Variants in MVB12B observed in about 807,000 individuals in gnomAD.
MVB12B encodes ESCRT-I complex subunit MVB12B.
In MVB12B, 16 loss-of-function variants were observed where a neutral mutation model predicts 41.6. That is an observed-to-expected ratio of 0.38 (90% CI 0.26 to 0.58). The LOEUF is 0.58. Ranked by LOEUF, MVB12B falls within the 20% of genes least tolerant of loss-of-function variation. The pLI is 0.62. For synonymous variants in MVB12B, 133 were observed against 139.7 expected (o/e 0.95, Z 0.34); for missense variants, 274 against 380.2 (o/e 0.72, Z 2.32).
At chr9:126,393,014 C>A (rs961101569) in intron 5 of MVB12B, among the ~76,000 whole-genome samples, 6 of 152,170 alleles carry the variant, frequency 3.9e-5, no homozygotes, top group Admixed American at 2.0e-4. Context: ...CATGATAATT[C>A]CCCAGTAAGC....
rs535288359 is a variant in MVB12B, at chr9:126,480,293, A to G, written c.758-1076A>G. Among the ~76,000 whole-genome samples, 4 of 152,094 alleles carry G rather than the reference A, an allele frequency of 2.6e-5. No homozygotes were observed. The highest frequency in any genetic ancestry group is 7.2e-5 in the African/African-American group (3 of 41,410). ...TCCCAGACCTAAGGGAGAAGCCAAC[A>G]CTGGAAAGGCCCCTACCACTGTCCC... On this transcript the variant is annotated intron_variant, in intron 7 of 9. Transcript: ENST00000361171. The surrounding 1 kb of genome is among the most constrained non-coding windows in gnomAD (Gnocchi z 4.9).
At chr9:126,369,716 C>G (rs796839294) in intron 2 of MVB12B, among the ~76,000 whole-genome samples, 1 of 152,152 alleles carries the variant, frequency 6.6e-6, no homozygotes, top group South Asian at 2.1e-4. Context: ...TGCAATAGCG[C>G]AATCTCAGCT....
At chr9:126,334,749 G>C (rs1311927062) in intron 1 of MVB12B, among the ~76,000 whole-genome samples, 1 of 152,194 alleles carries the variant, frequency 6.6e-6, no homozygotes, top group Admixed American at 6.5e-5. Flanking sequence ...TCATGGGCAA[G>C]CAGGTGGTAC....
chr9:126,391,920 G>C lies in MVB12B; in HGVS notation c.410-146G>C. 1 of 923,802 alleles carries C rather than the reference G, an allele frequency of 1.1e-6. No individual in the cohort carries two copies. The highest frequency in any genetic ancestry group is 1.7e-6 in the Non-Finnish European group (1 of 595,384). The allele number at this position is 923,802 out of a possible 1,614,324, so 57.2% of individuals were successfully genotyped here. Reference sequence around the variant, plus strand: ...ACTGCAGCCCCGGGGAAGGCAGGCGGCAGAGCGCAGCCCTTCTGTCCAGCA... The same window carrying C: ...ACTGCAGCCCCGGGGAAGGCAGGCGCCAGAGCGCAGCCCTTCTGTCCAGCA... On this transcript the variant is annotated intron_variant, in intron 4 of 9. Coordinates refer to ENST00000361171, the MANE Select transcript of MVB12B (RefSeq NM_033446.3). This position sits in a 1 kb window ranked among gnomAD's most constrained non-coding sequence, Gnocchi z 4.4.
chr9:126,358,338 CAAAA>C (rs745370396), intron 2 of MVB12B, among the ~76,000 whole-genome samples: 6 of 133,834 alleles, frequency 4.5e-5, no homozygotes, highest in Non-Finnish European at 8.1e-5. Context: ...TCAATTTTTA[CAAAA>C]AAAAAAAGCC....
At chr9:126,469,164 A>G (rs1039979492) in intron 7 of MVB12B, among the ~76,000 whole-genome samples, 4 of 152,158 alleles carry the variant, frequency 2.6e-5, no homozygotes, top group Admixed American at 6.5e-5. Flanking sequence ...TGATAGAGCA[A>G]AAGTCCATGT....
At chr9:126,476,824 C>T (rs1037842869) in intron 7 of MVB12B, among the ~76,000 whole-genome samples, 2 of 139,910 alleles carry the variant, frequency 1.4e-5, no homozygotes, top group African/African-American at 5.4e-5. Flanking sequence ...TTGCAGTGAG[C>T]CAAGATTGCG....
chr9:126,452,346 C>T (rs1832902881), intron 7 of MVB12B, among the ~76,000 whole-genome samples: 2 of 152,212 alleles, frequency 1.3e-5, no homozygotes, highest in Non-Finnish European at 2.9e-5. Flanking sequence ...CATGGCCCTG[C>T]CTTGGAGCCT....
chr9:126,394,143 G>A (rs940589025), intron 5 of MVB12B, among the ~76,000 whole-genome samples: 7 of 152,160 alleles, frequency 4.6e-5, no homozygotes, highest in Non-Finnish European at 8.8e-5. Flanking sequence ...TTGCAACACG[G>A]TTTACACTAA....
intron 2 of MVB12B, among the ~76,000 whole-genome samples, chr9:126,342,560 G>A (rs185358938): frequency 5.1e-4 from 78 of 152,332 alleles, no homozygotes; most frequent in African/African-American, 1.7e-3. Context: ...TGGGAGGTTA[G>A]CAGGGCAAGG....
chr9:126,417,413 T>TTGCTGC (rs1831859727), intron 6 of MVB12B, among the ~76,000 whole-genome samples: 1 of 152,224 alleles, frequency 6.6e-6, no homozygotes, highest in Non-Finnish European at 1.5e-5. Context: ...AAATTCCTGG[T>TTGCTGC]TGCTGCTGCT....
intron 7 of MVB12B, among the ~76,000 whole-genome samples, chr9:126,453,988 G>A (rs1274160356): frequency 6.6e-6 from 1 of 152,188 alleles, no homozygotes; most frequent in Admixed American, 6.5e-5. Flanking sequence ...AAGTCTAAGT[G>A]AGAAACAGAC....
At chr9:126,419,168 A>G (rs550215862) in intron 6 of MVB12B, among the ~76,000 whole-genome samples, 2 of 152,144 alleles carry the variant, frequency 1.3e-5, no homozygotes, top group East Asian at 1.9e-4. Context: ...ACCGCACTGC[A>G]CAAATCGCTC....
intron 7 of MVB12B, among the ~76,000 whole-genome samples, chr9:126,461,103 G>T (rs1833078892): frequency 6.6e-6 from 1 of 152,290 alleles, no homozygotes; most frequent in South Asian, 2.1e-4. Context: ...ACAGGGATCA[G>T]GAAAACAGAA....
intron 1 of MVB12B, among the ~76,000 whole-genome samples, chr9:126,328,734 G>A (rs1412808183): frequency 6.6e-6 from 1 of 152,088 alleles, no homozygotes; most frequent in Non-Finnish European, 1.5e-5. Context: ...ATGAATGAGA[G>A]GAGTAGCTTA....
At chr9:126,396,582 G>T (rs541916918) in intron 6 of MVB12B, 17 of 985,458 alleles carry the variant, frequency 1.7e-5, no homozygotes, top group Non-Finnish European at 2.0e-5. Context: ...CCTGCCCTCC[G>T]GGACATACCA....
intron 6 of MVB12B, among the ~76,000 whole-genome samples, chr9:126,407,142 G>GATCT (rs1831459072): frequency 6.6e-6 from 1 of 152,178 alleles, no homozygotes; most frequent in Non-Finnish European, 1.5e-5. Flanking sequence ...AGAAGCCTAG[G>GATCT]ATCTGAGCAA....
intron 6 of MVB12B, among the ~76,000 whole-genome samples, chr9:126,399,763 C>T (rs1015137295): frequency 5.3e-5 from 8 of 152,140 alleles, no homozygotes; most frequent in Non-Finnish European, 1.0e-4. Context: ...GCTCAGCAAG[C>T]AGCAGAACCA....
chr9:126,487,840 G>A (rs57032711), intron 9 of MVB12B, among the ~76,000 whole-genome samples: 4,287 of 152,078 alleles, frequency 0.028, 188 homozygotes, highest in African/African-American at 0.095. Context: ...GTAAAGAAAT[G>A]TGGGGGAATG....
Sources: gnomAD v4.1 joint callset for allele counts (sites outside exome capture counted in the v4.1 genomes callset) on GRCh38, gnomAD v4.1.1 for gene constraint, Gnocchi (gnomAD v3.1) non-coding constraint, MANE v1.5 for transcripts, NCBI Gene and HGNC (gene_info 2026-07-23, HGNC 2026-07-21) for gene names.